CDH12: variants seen among roughly 807,000 people sequenced by gnomAD.
CDH12 encodes cadherin-12.
In CDH12, 41 loss-of-function variants were observed where a neutral mutation model predicts 74.1. The observed-to-expected ratio is 0.55, with a 90% CI of 0.43 to 0.72. The LOEUF (loss-of-function observed/expected upper bound fraction) is 0.72, where lower values mean the gene tolerates loss of function less well. Among genes scored for constraint, CDH12 ranks in the 30% least tolerant of loss-of-function variants. The probability of loss-of-function intolerance (pLI) is 0.00; values close to 1 mark genes in which losing one functional copy is unlikely to be tolerated. For missense variants in CDH12, 945 were observed against 977.2 expected (o/e 0.97, Z 0.44); for synonymous variants, 399 against 355.0 (o/e 1.12, Z -1.39).
intron 6 of CDH12, among the ~76,000 whole-genome samples, chr5:21,862,864 G>T (rs1045128580): frequency 3.9e-5 from 6 of 152,038 alleles, no homozygotes; most frequent in African/African-American, 9.7e-5. Context: ...CTCTGCCATT[G>T]TCTTAACAGG....
At chr5:22,358,176 AG>A (rs888151374) in intron 3 of CDH12, among the ~76,000 whole-genome samples, 1 of 152,140 alleles carries the variant, frequency 6.6e-6, no homozygotes, top group African/African-American at 2.4e-5. Flanking sequence ...TGGGAGGCCA[AG>A]GCAGGTGGAT....
At chr5:22,515,392 C>T (rs189925527) in intron 1 of CDH12, among the ~76,000 whole-genome samples, 180 of 152,080 alleles carry the variant, frequency 1.2e-3, no homozygotes, top group African/African-American at 4.2e-3. Flanking sequence ...TGGTATTGTC[C>T]TGCTCAATAA....
intron 1 of CDH12, among the ~76,000 whole-genome samples, chr5:22,642,878 G>A (rs534475631): frequency 3.3e-5 from 5 of 151,896 alleles, no homozygotes; most frequent in East Asian, 3.9e-4. Context: ...ATTCAATTTC[G>A]TCCTTACTTT....
intron 1 of CDH12, among the ~76,000 whole-genome samples, chr5:22,815,769 C>CAAAAAAAAAAAAAAAAAA (rs34135797): frequency 2.1e-5 from 2 of 97,082 alleles, no homozygotes; most frequent in Non-Finnish European, 2.0e-5. Flanking sequence ...GACTCCGTCT[C>CAAAAAAAAAAAAAAAAAA]AAAAAAAAAA....
In CDH12 at chr5:22,078,786, A is replaced by C. The variant is rs1342699424; in HGVS notation, c.-110T>G. ...CCTCCACCACTTAGCTTCTTGTTTT[A>C]TTGCAGAAATGATGATGCAGGCATT... On this transcript the variant is annotated 5_prime_UTR_variant, in exon 5 of 15. The change abolishes the stop of an existing upstream ORF in the 5' untranslated region. Transcript: ENST00000382254. 2 of 1,480,760 alleles carry C rather than the reference A, an allele frequency of 1.4e-6. No homozygotes were observed. Among genetic ancestry groups the C allele is most frequent in the South Asian group, 1.4e-5 (1 of 71,804 alleles). The allele number at this position is 1,480,760 out of a possible 1,614,324, so 91.7% of individuals were successfully genotyped here. A position where few individuals can be genotyped will look rare whatever the true frequency, so the allele number is the denominator to read the frequency against.
intron 1 of CDH12, among the ~76,000 whole-genome samples, chr5:22,756,958 CA>C (rs11305654): frequency 0.51 from 72,266 of 143,094 alleles, 17,364 homozygotes; most frequent in East Asian, 0.57. Context: ...GACTCCGTCT[CA>C]AAAAAAAAAA....
chr5:22,493,994 A>G (rs1260207328), intron 2 of CDH12, among the ~76,000 whole-genome samples: 1 of 152,176 alleles, frequency 6.6e-6, no homozygotes, highest in Non-Finnish European at 1.5e-5. Context: ...AGGTGATCAG[A>G]TAAGAGGAGA....
At position 22,541,541 on chromosome 5, in the gene CDH12, T is replaced by A. The variant is rs114278946; in HGVS notation, c.-522-36177A>T. 2.5e-3 allele frequency among the ~76,000 whole-genome samples: 383 copies of A among 152,298 alleles called. 5 individuals are homozygous for A. The highest frequency in any genetic ancestry group is 8.6e-3 in the African/African-American group (358 of 41,572). On this transcript the variant is annotated intron_variant, in intron 1 of 14. Transcript: ENST00000382254. The stretch of plus-strand genomic sequence containing the variant: ...CAAAACCTGATCATTTGTAAGGCAA[T>A]GAGAGAATGAAAGTGCCTCCTAAGT...
At chr5:22,059,671 A>G (rs1378531963) in intron 5 of CDH12, among the ~76,000 whole-genome samples, 1 of 152,188 alleles carries the variant, frequency 6.6e-6, no homozygotes, top group Non-Finnish European at 1.5e-5. Context: ...ATTATTTATG[A>G]TAGATGGCTG....
rs1754410450 is a variant in CDH12 at position 21,922,773 on chromosome 5, A to G, written c.526+52318T>C. Among the ~76,000 whole-genome samples the G allele has an allele frequency of 1.3e-5, 2 of 152,092 alleles. 1 individual carries two copies. The highest frequency in any genetic ancestry group is 4.1e-4 in the South Asian group (2 of 4,830). On this transcript the variant is annotated intron_variant, in intron 6 of 14. Coordinates refer to ENST00000382254, the MANE Select transcript of CDH12 (RefSeq NM_004061.5). ...TGGGCTTCCCGAGAGACTAAGATAT[A>G]GAAAAGATTGCTTGGATTTCTCTAT...
intron 3 of CDH12, among the ~76,000 whole-genome samples, chr5:22,218,126 C>T (rs960159598): frequency 2.0e-5 from 3 of 151,650 alleles, no homozygotes; most frequent in Non-Finnish European, 4.4e-5. Context: ...AAACCTATAA[C>T]CCTAAAACAC....
chr5:21,880,616 C>CTTCCTTCCTTCCTTCT, intron 6 of CDH12, among the ~76,000 whole-genome samples: 1 of 50,866 alleles, frequency 2.0e-5, no homozygotes, highest in South Asian at 9.3e-4. Flanking sequence ...TCCTTCCTTC[C>CTTCCTTCCTTCCTTCT]TTCTTTCTTT....
chr5:22,706,241 T>G (rs1743001120), intron 1 of CDH12, among the ~76,000 whole-genome samples: 1 of 152,132 alleles, frequency 6.6e-6, no homozygotes, highest in African/African-American at 2.4e-5. Flanking sequence ...AATATGTAGA[T>G]AGAGTGTAAT....
At chr5:22,768,223 AG>A (rs1746623417) in intron 1 of CDH12, among the ~76,000 whole-genome samples, 1 of 152,078 alleles carries the variant, frequency 6.6e-6, no homozygotes, top group African/African-American at 2.4e-5. Context: ...AAATCACATT[AG>A]GGAAGGAAAA....
chr5:21,870,435 G>A (rs1222526426), intron 6 of CDH12, among the ~76,000 whole-genome samples: 1 of 152,148 alleles, frequency 6.6e-6, no homozygotes, highest in Non-Finnish European at 1.5e-5. Flanking sequence ...ATTTCCACAT[G>A]AGTGTGCATT....
chr5:22,579,754 T>G (rs1739984482), intron 1 of CDH12, among the ~76,000 whole-genome samples: 1 of 152,222 alleles, frequency 6.6e-6, no homozygotes, highest in Non-Finnish European at 1.5e-5. Context: ...AAAATCACAT[T>G]TTTATTTCAA....
intron 1 of CDH12, among the ~76,000 whole-genome samples, chr5:22,769,601 C>G (rs1368119206): frequency 6.6e-6 from 1 of 152,032 alleles, no homozygotes; most frequent in East Asian, 1.9e-4. Flanking sequence ...CCTTAATAAA[C>G]TCCCCTTCAT....
At chr5:22,786,695 T>A (rs1027080088) in intron 1 of CDH12, among the ~76,000 whole-genome samples, 1 of 151,930 alleles carries the variant, frequency 6.6e-6, no homozygotes, top group Non-Finnish European at 1.5e-5. Flanking sequence ...TATGCCTACA[T>A]TCTTTTTTTT....
chr5:22,786,061 A>G lies in CDH12; in HGVS notation c.-523+66997T>C, dbSNP rs530354446. 2.0e-5 allele frequency among the ~76,000 whole-genome samples: 3 copies of G among 152,272 alleles called. No homozygotes were observed. The South Asian group carries it at 6.2e-4, about 32-fold the overall frequency. ...TCACAATAGCAAAGACAAAGACTCA[A>G]CTTAAATGCCTATCAATGGAAGACT... On this transcript the variant is annotated intron_variant, in intron 1 of 14. Transcript: ENST00000382254.
Sources: gnomAD v4.1 joint callset for allele counts (sites outside exome capture counted in the v4.1 genomes callset) on GRCh38, gnomAD v4.1.1 for gene constraint, MANE v1.5 for transcripts, NCBI Gene and HGNC (gene_info 2026-07-23, HGNC 2026-07-21) for gene names.